AGBL4: variants seen among roughly 807,000 people sequenced by gnomAD.
AGBL4 encodes the protein cytosolic carboxypeptidase 6.
AGBL4 carries 58 observed loss-of-function variants against 66.4 expected under a neutral mutation model. The ratio of observed to expected loss-of-function variants is 0.87; its 90% CI spans 0.71 to 1.09. The LOEUF (loss-of-function observed/expected upper bound fraction) is 1.09, where lower values mean the gene tolerates loss of function less well. Ranked by LOEUF, AGBL4 falls within the 50% of genes least tolerant of loss-of-function variation. AGBL4 has a pLI of 0.00. For synonymous variants in AGBL4, 234 were observed against 222.9 expected, an observed-to-expected ratio of 1.05 and a Z score of -0.44; for missense variants, 579 against 631.0, an observed-to-expected ratio of 0.92 and a Z score of 0.88.
intron 3 of AGBL4, among the ~76,000 whole-genome samples, chr1:49,499,806 T>C (rs1460418219): frequency 6.6e-6 from 1 of 151,806 alleles, no homozygotes; most frequent in African/African-American, 2.4e-5. Context: ...GCTGGTTACA[T>C]ATTTTGGCAA....
At chr1:48,648,770 C>T (rs573682110) in intron 8 of AGBL4, among the ~76,000 whole-genome samples, 24 of 152,288 alleles carry the variant, frequency 1.6e-4, no homozygotes, top group African/African-American at 4.1e-4. Context: ...TACCATGCTC[C>T]GTGCAATAAC....
At chr1:49,617,989 T>C (rs536890161) in intron 3 of AGBL4, among the ~76,000 whole-genome samples, 1 of 152,290 alleles carries the variant, frequency 6.6e-6, no homozygotes, top group South Asian at 2.1e-4. Flanking sequence ...TTTCTCCTAA[T>C]GCTATCCCTC....
intron 6 of AGBL4, among the ~76,000 whole-genome samples, chr1:48,853,022 A>G (rs1647067739): frequency 6.6e-6 from 1 of 152,170 alleles, no homozygotes; most frequent in Non-Finnish European, 1.5e-5. Context: ...AACTAGTAGG[A>G]CATTATAGAA....
At chr1:49,331,392 C>A (rs909423636) in intron 3 of AGBL4, among the ~76,000 whole-genome samples, 1 of 152,116 alleles carries the variant, frequency 6.6e-6, no homozygotes, top group Non-Finnish European at 1.5e-5. Context: ...TCAGAAGGGA[C>A]TAAACCCTTC....
intron 11 of AGBL4, among the ~76,000 whole-genome samples, chr1:48,561,887 C>T (rs2148299068): frequency 6.6e-6 from 1 of 152,312 alleles, no homozygotes; most frequent in East Asian, 1.9e-4. Context: ...AGATTTGGGA[C>T]TTCTCAGCCT....
intron 1 of AGBL4, among the ~76,000 whole-genome samples, chr1:49,951,180 T>C (rs1656127924): frequency 6.6e-6 from 1 of 151,856 alleles, no homozygotes; most frequent in Non-Finnish European, 1.5e-5. Context: ...TTAATAATAA[T>C]GTATTGCATG....
At chr1:49,342,021 A>G (rs961089062) in intron 3 of AGBL4, among the ~76,000 whole-genome samples, 6 of 152,186 alleles carry the variant, frequency 3.9e-5, no homozygotes, top group Non-Finnish European at 8.8e-5. Context: ...CTGAATAGTT[A>G]TCTGTGCAGG....
At chr1:49,535,737 G>A (rs1164282204) in intron 3 of AGBL4, among the ~76,000 whole-genome samples, 1 of 152,068 alleles carries the variant, frequency 6.6e-6, no homozygotes, top group Non-Finnish European at 1.5e-5. Context: ...TGTCCTCCAG[G>A]CTGGAGTGCC....
intron 3 of AGBL4, among the ~76,000 whole-genome samples, chr1:49,587,282 GAAAAGAAAAGA>G (rs879358455): frequency 2.0e-5 from 3 of 148,400 alleles, no homozygotes; most frequent in African/African-American, 5.0e-5. Flanking sequence ...AAAAAGAAAA[GAAAAGAAAAGA>G]AAAAGAAAAG....
chr1:49,571,373 C>A (rs1409369885), intron 3 of AGBL4, among the ~76,000 whole-genome samples: 1 of 151,784 alleles, frequency 6.6e-6, no homozygotes, highest in Non-Finnish European at 1.5e-5. Flanking sequence ...TCATTCTTAG[C>A]TCAATCAATA....
chr1:48,812,895 G>A (rs1160619916), intron 6 of AGBL4, among the ~76,000 whole-genome samples: 1 of 151,820 alleles, frequency 6.6e-6, no homozygotes, highest in Non-Finnish European at 1.5e-5. Flanking sequence ...TCACTCATAG[G>A]TGGGAATTGA....
chr1:49,553,558 C>T (rs1450179030), intron 3 of AGBL4, among the ~76,000 whole-genome samples: 4 of 152,114 alleles, frequency 2.6e-5, no homozygotes, highest in Non-Finnish European at 5.9e-5. Context: ...TTCTTGCCAC[C>T]CTCCAGGACC....
At chr1:49,929,800 A>G (rs996447276) in intron 1 of AGBL4, among the ~76,000 whole-genome samples, 8 of 152,140 alleles carry the variant, frequency 5.3e-5, no homozygotes, top group African/African-American at 1.9e-4. Context: ...TGTGTAGTCT[A>G]TAAAACATAT....
chr1:49,366,742 T>C (rs1473674310), intron 3 of AGBL4, among the ~76,000 whole-genome samples: 1 of 152,202 alleles, frequency 6.6e-6, no homozygotes, highest in Non-Finnish European at 1.5e-5. Context: ...ATCATCCATA[T>C]CTAGGCTCAA....
intron 1 of AGBL4, among the ~76,000 whole-genome samples, chr1:49,864,765 T>C (rs1373369090): frequency 6.6e-6 from 1 of 152,148 alleles, no homozygotes; most frequent in Non-Finnish European, 1.5e-5. Flanking sequence ...CTGCCTAAAA[T>C]TATCAAGTTC....
At chr1:49,026,229 A>G (rs1388814971) in intron 5 of AGBL4, among the ~76,000 whole-genome samples, 1 of 152,184 alleles carries the variant, frequency 6.6e-6, no homozygotes, top group Non-Finnish European at 1.5e-5. Context: ...CCCTAGAAGA[A>G]GAAAGGGAGA....
intron 3 of AGBL4, among the ~76,000 whole-genome samples, chr1:49,477,577 T>C (rs1460658569): frequency 6.6e-6 from 1 of 152,104 alleles, no homozygotes; most frequent in East Asian, 1.9e-4. Flanking sequence ...TTCAAACACC[T>C]GGAAAGCCTT....
intron 3 of AGBL4, among the ~76,000 whole-genome samples, chr1:49,283,899 T>C (rs1349567536): frequency 6.0e-5 from 9 of 149,080 alleles, no homozygotes; most frequent in African/African-American, 5.0e-5. Flanking sequence ...CTGATTGGTG[T>C]ACCTGAAAGT....
chr1:49,822,459 G>T (rs1645395030), intron 2 of AGBL4, among the ~76,000 whole-genome samples: 1 of 152,010 alleles, frequency 6.6e-6, no homozygotes, highest in Admixed American at 6.6e-5. Context: ...CTCCTGAGTA[G>T]CTAGGATTAC....
Sources: gnomAD v4.1 joint callset for allele counts (sites outside exome capture counted in the v4.1 genomes callset) on GRCh38, gnomAD v4.1.1 for gene constraint, MANE v1.5 for transcripts, NCBI Gene and HGNC (gene_info 2026-07-23, HGNC 2026-07-21) for gene names.